PTH2R: variants seen among roughly 807,000 people sequenced by gnomAD.
PTH2R encodes the protein PTH2 receptor.
A neutral mutation model predicts 60.3 loss-of-function variants in PTH2R; 59 were observed. The observed-to-expected ratio is 0.98, with a 90% confidence interval of 0.79 to 1.22. PTH2R has a LOEUF of 1.22. Ranked by LOEUF, PTH2R falls within the 50% of genes most tolerant of loss-of-function variation. The pLI is 0.00. For missense variants in PTH2R, 749 were observed against 682.6 expected (o/e 1.10, Z -1.08); for synonymous variants, 256 against 243.8 (o/e 1.05, Z -0.47).
rs1701029140 is a variant in PTH2R at position 208,387,786 on chromosome 2, C to T, written c.-259+27549C>T. 2.0e-5 allele frequency among the ~76,000 whole-genome samples: 3 copies of T among 152,296 alleles called. No homozygotes were observed. In the South Asian group the frequency reaches 6.2e-4, roughly 32 times the overall value. On this transcript the variant is annotated intron_variant, in intron 1 of 12. Transcript: ENST00000617735. The stretch of plus-strand genomic sequence containing the variant: ...AGTGCAGAGACCTGTATGTCTCACT[C>T]ACTGATCACATCATTACAACAACCC...
At chr2:208,388,742 A>G (rs1157530553) in intron 1 of PTH2R, among the ~76,000 whole-genome samples, 1 of 152,206 alleles carries the variant, frequency 6.6e-6, no homozygotes, top group Admixed American at 6.5e-5. Flanking sequence ...GAAAACTGTC[A>G]AAGACTATGG....
upstream of PTH2R, among the ~76,000 whole-genome samples, chr2:208,406,664 C>T (rs1473238724): frequency 1.3e-5 from 2 of 152,162 alleles, no homozygotes; most frequent in Non-Finnish European, 2.9e-5. Flanking sequence ...CCTCCGCCCC[C>T]TGGGCTGCGG....
chr2:208,458,599 TAC>T, intron 8 of PTH2R, among the ~76,000 whole-genome samples: 1 of 151,832 alleles, frequency 6.6e-6, no homozygotes, highest in Non-Finnish European at 1.5e-5. Flanking sequence ...TCCCTCCTCC[TAC>T]CTTCCCCCCT....
At chr2:208,428,357 A>C in intron 2 of PTH2R, 54 bp downstream of exon 2, 1 of 1,264,052 alleles carries the variant, frequency 7.9e-7, no homozygotes, top group Non-Finnish European at 1.1e-6. Flanking sequence ...GTTCTTATAA[A>C]GATTGCACAT....
At chr2:208,396,506 G>A (rs1337474541) in intron 1 of PTH2R, among the ~76,000 whole-genome samples, 1 of 152,156 alleles carries the variant, frequency 6.6e-6, no homozygotes, top group Non-Finnish European at 1.5e-5. Context: ...TATATGAACA[G>A]ACACTTCTCA....
At chr2:208,407,174 G>A in intron 1 of PTH2R, 56 bp downstream of exon 1, 2 of 1,376,096 alleles carry the variant, frequency 1.5e-6, no homozygotes, top group South Asian at 3.8e-5. Context: ...CGGGGACTCA[G>A]CTTTAGCGAC....
At chr2:208,426,881 C>T (rs1183278080) in intron 1 of PTH2R, among the ~76,000 whole-genome samples, 1 of 152,136 alleles carries the variant, frequency 6.6e-6, no homozygotes, top group Non-Finnish European at 1.5e-5. Context: ...GACTAAAGAT[C>T]AATTTAACAG....
rs1290443916 is a variant in PTH2R at position 208,493,356 on chromosome 2, A to T, written c.1350A>T (p.Ser450=). The T allele has an allele frequency of 5.6e-6, 9 of 1,595,868 alleles. No homozygotes were observed. The highest frequency in any genetic ancestry group is 7.7e-6 in the Non-Finnish European group (9 of 1,168,320). The stretch of plus-strand genomic sequence containing the variant: ...CATGTGGCAGCCGCAGATGCGGCTC[A>T]GTGCTCACCACCGTGACGCACAGCA... ...TPPCGSRRCG[S]VLTTVTHSTS... Residue 450 remains serine (S), a synonymous_variant, in exon 13 of 13, where the codon TCA becomes TCT. Coordinates refer to ENST00000272847, the MANE Select transcript of PTH2R (RefSeq NM_005048.4).
At chr2:208,403,663 C>G (rs1213843340), upstream of PTH2R, among the ~76,000 whole-genome samples, 3 of 152,186 alleles carry the variant, frequency 2.0e-5, no homozygotes, top group African/African-American at 4.8e-5. Flanking sequence ...GTAAGTACAA[C>G]CACTTACATA....
Position 208,493,366 on chromosome 2 carries a change from A to C in PTH2R, c.1360A>C (p.Thr454Pro). 6.2e-7 allele frequency: 1 copy of C among 1,604,664 alleles called. No individual in the cohort carries two copies. The highest frequency in any genetic ancestry group is 1.1e-5 in the South Asian group (1 of 89,940). ...GSRRCGSVLTTVTHSTSSQSQ... is the reference protein window; with the variant it reads ...GSRRCGSVLTPVTHSTSSQSQ... ...CCGCAGATGCGGCTCAGTGCTCACC[A>C]CCGTGACGCACAGCACCAGCAGCCA... Residue 454 changes from threonine (T) to proline (P), a missense_variant, in exon 13 of 13, where the codon ACC becomes CCC. Transcript: ENST00000272847.
In PTH2R at chr2:208,493,670, G is replaced by C; in HGVS notation, c.*11G>C. The C allele has an allele frequency of 6.5e-7, 1 of 1,532,584 alleles. No individual in the cohort carries two copies. The highest frequency in any genetic ancestry group is 8.8e-7 in the Non-Finnish European group (1 of 1,135,968). 94.9% of individuals were successfully genotyped at this position (1,532,584 alleles called of 1,614,324 possible). The stretch of plus-strand genomic sequence containing the variant: ...GAGGATGTTCTCTGAATGGACATTT[G>C]TGGCTGACTTTCATGGGCTGGTCCA... On this transcript the variant is annotated 3_prime_UTR_variant, in exon 13 of 13. Coordinates refer to ENST00000272847, the MANE Select transcript of PTH2R (RefSeq NM_005048.4).
intron 10 of PTH2R, among the ~76,000 whole-genome samples, chr2:208,485,391 A>C (rs1703248901): frequency 6.6e-6 from 1 of 152,180 alleles, no homozygotes; most frequent in African/African-American, 2.4e-5. Flanking sequence ...TACATCCCTG[A>C]ATCATCTTAT....
chr2:208,415,638 A>G (rs944239283), intron 1 of PTH2R, among the ~76,000 whole-genome samples: 1 of 152,198 alleles, frequency 6.6e-6, no homozygotes, highest in African/African-American at 2.4e-5. Flanking sequence ...TGTGTTTATT[A>G]TTCAGTGATA....
intron 1 of PTH2R, among the ~76,000 whole-genome samples, chr2:208,372,452 A>G (rs1700718861): frequency 6.6e-6 from 1 of 152,112 alleles, no homozygotes; most frequent in Admixed American, 6.5e-5. Context: ...TTTCTTGTCC[A>G]GAATACTTTG....
chr2:208,423,507 T>C (rs1477858513), intron 1 of PTH2R, among the ~76,000 whole-genome samples: 1 of 152,232 alleles, frequency 6.6e-6, no homozygotes, highest in Non-Finnish European at 1.5e-5. Flanking sequence ...TGTTTTATGA[T>C]TCAGGATATG....
chr2:208,414,058 G>A (rs1701593056), intron 1 of PTH2R, among the ~76,000 whole-genome samples: 1 of 152,132 alleles, frequency 6.6e-6, no homozygotes, highest in Admixed American at 6.5e-5. Flanking sequence ...GCTTACTAGG[G>A]CCCACTGTTT....
chr2:208,474,259 T>C (rs1252554602), intron 9 of PTH2R, among the ~76,000 whole-genome samples: 1 of 50,916 alleles, frequency 2.0e-5, no homozygotes, highest in Non-Finnish European at 3.9e-5. Flanking sequence ...ATTCAGTAAA[T>C]AGTAGCCTAT....
chr2:208,443,496 C>T lies in PTH2R; in HGVS notation c.658C>T (p.Gln220Ter). Residue 220 changes from glutamine (Q) to a stop codon, truncating the protein, a stop_gained, in exon 6 of 13, where the codon CAA (glutamine) becomes TAA (stop). Coordinates refer to ENST00000272847, the MANE Select transcript of PTH2R (RefSeq NM_005048.4). LOFTEE classifies it high-confidence loss of function. The stretch of plus-strand genomic sequence containing the variant: ...GTCCCTAATAATGCAGGATGACCCA[C>T]AAAATTCCATTGAGGCAACTTCTGT... ...LESLIMQDDP[Q>*]NSIEATSVDK... 2 of 1,611,692 alleles carry T rather than the reference C, an allele frequency of 1.2e-6. No individual in the cohort carries two copies. Among genetic ancestry groups the T allele is most frequent in the Non-Finnish European group, 1.7e-6 (2 of 1,179,240 alleles).
chr2:208,373,018 G>A (rs2125871319), intron 1 of PTH2R, among the ~76,000 whole-genome samples: 1 of 152,160 alleles, frequency 6.6e-6, no homozygotes, highest in East Asian at 1.9e-4. Context: ...CTCGGGATGT[G>A]GAGGCTGCAG....
Sources: gnomAD v4.1 joint callset for allele counts (sites outside exome capture counted in the v4.1 genomes callset) on GRCh38, gnomAD v4.1.1 for gene constraint, MANE v1.5 for transcripts, NCBI Gene and HGNC (gene_info 2026-07-23, HGNC 2026-07-21) for gene names.